Variants in HS3ST4 observed in about 807,000 individuals in gnomAD.
The protein encoded by HS3ST4 is heparan sulfate-glucosamine 3-sulfotransferase 4.
HS3ST4 carries 17 observed loss-of-function variants against 29.2 expected under a neutral mutation model. That is an observed-to-expected ratio of 0.58 (90% confidence interval 0.40 to 0.87). HS3ST4 has a LOEUF of 0.87. Ranked by LOEUF, HS3ST4 falls within the 40% of genes least tolerant of loss-of-function variation. The pLI, the probability that HS3ST4 is intolerant of heterozygous loss-of-function variation, is 0.00. For missense variants in HS3ST4, 627 were observed against 634.5 expected (o/e 0.99, Z 0.13); for synonymous variants, 314 against 285.7 (o/e 1.10, Z -1.00).
intron 1 of HS3ST4, among the ~76,000 whole-genome samples, chr16:26,002,091 T>A (rs1969216564): frequency 6.6e-6 from 1 of 152,156 alleles, no homozygotes; most frequent in Admixed American, 6.6e-5. Context: ...AATAGGGAAC[T>A]CTGGAGAAAC....
chr16:25,768,262 C>T (rs903701016), intron 1 of HS3ST4, among the ~76,000 whole-genome samples: 3 of 152,162 alleles, frequency 2.0e-5, no homozygotes, highest in African/African-American at 7.2e-5. Flanking sequence ...CAGTGCATAC[C>T]CTTCCAGACT....
intron 1 of HS3ST4, among the ~76,000 whole-genome samples, chr16:25,961,189 G>A (rs1968789832): frequency 6.6e-6 from 1 of 152,164 alleles, no homozygotes; most frequent in African/African-American, 2.4e-5. Context: ...ACAACCAACA[G>A]CAAAAGTGTC....
chr16:26,084,228 A>G (rs574897082), intron 1 of HS3ST4, among the ~76,000 whole-genome samples: 50 of 152,224 alleles, frequency 3.3e-4, no homozygotes, highest in Non-Finnish European at 6.0e-4. Context: ...CCCTTTGGGC[A>G]TTGCTTATCC....
At chr16:26,056,073 AG>A (rs71385588) in intron 1 of HS3ST4, among the ~76,000 whole-genome samples, 1 of 129,840 alleles carries the variant, frequency 7.7e-6, no homozygotes, top group African/African-American at 2.8e-5. Flanking sequence ...AGAGAGAGAG[AG>A]AGAGAAGAAT....
chr16:26,064,172 TC>T (rs1898514630), intron 1 of HS3ST4, among the ~76,000 whole-genome samples: 1 of 152,236 alleles, frequency 6.6e-6, no homozygotes, highest in Non-Finnish European at 1.5e-5. Flanking sequence ...CAGCCATTGT[TC>T]ATCTCTCTCC....
chr16:25,938,382 T>C (rs566636945), intron 1 of HS3ST4, among the ~76,000 whole-genome samples: 20 of 152,274 alleles, frequency 1.3e-4, no homozygotes, highest in African/African-American at 4.3e-4. Flanking sequence ...GAGTTACATA[T>C]ATTTCATTGT....
chr16:25,773,204 C>A (rs1966844463), intron 1 of HS3ST4, among the ~76,000 whole-genome samples: 1 of 152,206 alleles, frequency 6.6e-6, no homozygotes, highest in African/African-American at 2.4e-5. Context: ...CAGACAGGAT[C>A]TCTGCACAGC....
At chr16:25,931,987 T>A (rs892973187) in intron 1 of HS3ST4, among the ~76,000 whole-genome samples, 8 of 151,922 alleles carry the variant, frequency 5.3e-5, no homozygotes, top group African/African-American at 1.9e-4. Flanking sequence ...GGGCTGGAGG[T>A]TTTTTTAAAG....
At chr16:25,893,763 A>G (rs374048515) in intron 1 of HS3ST4, among the ~76,000 whole-genome samples, 2 of 152,344 alleles carry the variant, frequency 1.3e-5, no homozygotes, top group East Asian at 3.9e-4. Context: ...CACTTAACAA[A>G]CAAGGTGATG....
intron 1 of HS3ST4, among the ~76,000 whole-genome samples, chr16:25,881,841 G>C (rs918994810): frequency 4.6e-5 from 7 of 152,148 alleles, no homozygotes; most frequent in Admixed American, 3.3e-4. Context: ...CTCACACTGA[G>C]TGCAAGTCAC....
chr16:25,818,455 T>C (rs1303724418), intron 1 of HS3ST4, among the ~76,000 whole-genome samples: 3 of 152,206 alleles, frequency 2.0e-5, no homozygotes, highest in African/African-American at 7.2e-5. Flanking sequence ...AAACTTCTGT[T>C]GTTTAAAAGC....
chr16:25,961,751 C>T (rs1386546552), intron 1 of HS3ST4, among the ~76,000 whole-genome samples: 5 of 151,992 alleles, frequency 3.3e-5, no homozygotes, highest in African/African-American at 9.7e-5. Flanking sequence ...AATTGATGCA[C>T]AGGTAGATTG....
chr16:25,820,072 G>C (rs1298696105), intron 1 of HS3ST4, among the ~76,000 whole-genome samples: 1 of 140,318 alleles, frequency 7.1e-6, no homozygotes, highest in Non-Finnish European at 1.5e-5. Flanking sequence ...AAGAGGAAAG[G>C]ATTTAAAGTA....
chr16:25,749,215 C>T (rs1219254385), intron 1 of HS3ST4, among the ~76,000 whole-genome samples: 4 of 152,158 alleles, frequency 2.6e-5, no homozygotes, highest in Admixed American at 1.3e-4. Context: ...GCTGTGGGGC[C>T]GGGTGCAGTG....
intron 1 of HS3ST4, among the ~76,000 whole-genome samples, chr16:25,777,412 A>AGTGTGTGTGT (rs56191219): frequency 1.2e-4 from 18 of 147,988 alleles, no homozygotes; most frequent in Non-Finnish European, 2.4e-4. Context: ...AGCACACCAA[A>AGTGTGTGTGT]GTGTGTGTGT....
chr16:25,939,304 T>TTTATTA (rs201242715), intron 1 of HS3ST4, among the ~76,000 whole-genome samples: 12 of 114,572 alleles, frequency 1.0e-4, no homozygotes, highest in East Asian at 4.0e-4. Flanking sequence ...GCTGACAGCA[T>TTTATTA]TTATTATTAT....
rs1204029877 is a variant in HS3ST4, at chr16:25,693,072, G to T, written c.655G>T (p.Val219Leu). The change falls in exon 1 of 2, where the codon GTG becomes TTG. Residue 219 changes from valine (V) to leucine (L), a missense_variant. Transcript: ENST00000331351. ...GTRALLEAIR[V>L]HPDVRAVGVE... ...CCGCGCGCTGCTGGAGGCGATCCGC[G>T]TGCACCCGGACGTGCGGGCGGTGGG... 2.5e-6 allele frequency: 4 copies of T among 1,608,474 alleles called. No individual in the cohort carries two copies. The highest frequency in any genetic ancestry group is 2.3e-5 in the East Asian group (1 of 44,362).
intron 1 of HS3ST4, among the ~76,000 whole-genome samples, chr16:25,866,874 A>G (rs1967700753): frequency 6.6e-6 from 1 of 152,154 alleles, no homozygotes; most frequent in African/African-American, 2.4e-5. Flanking sequence ...AGCACTTATT[A>G]CTGAGGAATC....
chr16:26,131,746 T>C (rs754840801), intron 1 of HS3ST4, among the ~76,000 whole-genome samples: 3 of 151,992 alleles, frequency 2.0e-5, no homozygotes, highest in Non-Finnish European at 4.4e-5. Flanking sequence ...AGGTGAGAGA[T>C]GAAAGTGGGG....
Sources: allele counts gnomAD v4.1 joint callset (sites outside exome capture counted in the v4.1 genomes callset), GRCh38; gene constraint gnomAD v4.1.1; transcripts MANE v1.5; gene names NCBI Gene and HGNC (gene_info 2026-07-23, HGNC 2026-07-21).